CNGB3: variants seen among roughly 807,000 people sequenced by gnomAD.
CNGB3 encodes cyclic nucleotide-gated channel beta-3.
A neutral mutation model predicts 92.8 loss-of-function variants in CNGB3; 86 were observed. The observed-to-expected ratio is 0.93, with a 90% CI of 0.78 to 1.11. CNGB3 has a LOEUF of 1.11. CNGB3 is among the 50% of genes least tolerant of loss of function. CNGB3 has a pLI of 0.00. For missense variants in CNGB3, 1,026 were observed against 956.8 expected (o/e 1.07, Z -0.95); for synonymous variants, 333 against 332.7 (o/e 1.00, Z -0.01).
At chr8:86,658,332 A>T in intron 6 of CNGB3, 1 of 475,884 alleles carries the variant, frequency 2.1e-6, no homozygotes, top group Non-Finnish European at 3.9e-6. Flanking sequence ...CATGAGCGGA[A>T]GCGCCTCCTC....
intron 3 of CNGB3, among the ~76,000 whole-genome samples, chr8:86,694,481 G>A (rs1454432401): frequency 6.6e-6 from 1 of 151,668 alleles, no homozygotes; most frequent in Non-Finnish European, 1.5e-5. Context: ...CTGCCGGACG[G>A]AGGGTCTCCT....
intron 13 of CNGB3, among the ~76,000 whole-genome samples, chr8:86,623,009 C>T (rs771442369): frequency 6.6e-6 from 1 of 152,136 alleles, no homozygotes; most frequent in Admixed American, 6.5e-5. Context: ...CTGGGAGTGA[C>T]TATGCCTAAC....
intron 3 of CNGB3, among the ~76,000 whole-genome samples, chr8:86,715,625 C>G (rs1824837756): frequency 6.6e-6 from 1 of 151,860 alleles, no homozygotes; most frequent in African/African-American, 2.4e-5. Flanking sequence ...ACCAGCTCAC[C>G]AGCAATGGAT....
At chr8:86,606,809 C>T (rs576250748) in intron 14 of CNGB3, among the ~76,000 whole-genome samples, 2 of 152,210 alleles carry the variant, frequency 1.3e-5, no homozygotes, top group East Asian at 1.9e-4. Context: ...TTATAAGGCT[C>T]GCAGGTGACA....
intron 15 of CNGB3, among the ~76,000 whole-genome samples, chr8:86,603,595 C>T (rs927506406): frequency 6.6e-6 from 1 of 152,086 alleles, no homozygotes; most frequent in African/African-American, 2.4e-5. Flanking sequence ...AAGATATGTT[C>T]TATTATTATC....
intron 4 of CNGB3, among the ~76,000 whole-genome samples, 190 bp from the exon 5 acceptor site, chr8:86,668,358 G>C (rs1347893918): frequency 5.9e-5 from 9 of 151,720 alleles, no homozygotes; most frequent in Non-Finnish European, 1.2e-4. Context: ...CAAGGGGAGG[G>C]ATAACATTAG....
At chr8:86,652,380 C>T (rs1051667538) in intron 7 of CNGB3, among the ~76,000 whole-genome samples, 8 of 152,054 alleles carry the variant, frequency 5.3e-5, no homozygotes, top group African/African-American at 1.9e-4. Context: ...TTAGGCTACA[C>T]TAAATTTATT....
At chr8:86,657,480 T>C in intron 6 of CNGB3, 2 of 515,342 alleles carry the variant, frequency 3.9e-6, no homozygotes, top group South Asian at 1.5e-5. Context: ...GGGTTCTGCA[T>C]CTCAGGAAGC....
At chr8:86,682,900 A>G (rs1824110706) in intron 3 of CNGB3, among the ~76,000 whole-genome samples, 1 of 152,158 alleles carries the variant, frequency 6.6e-6, no homozygotes, top group Non-Finnish European at 1.5e-5. Flanking sequence ...ACAGAGTTCT[A>G]AACTCTGGTG....
At position 86,576,228 on chromosome 8, in the gene CNGB3, A is replaced by G. The variant is rs115178876; in HGVS notation, c.2104-98T>C. On this transcript the variant is annotated intron_variant, in intron 17 of 17. Coordinates refer to ENST00000320005, the MANE Select transcript of CNGB3 (RefSeq NM_019098.5). ...TGCAATGGCTAAGATCACCACCAAG[A>G]CAGACTGTCTGAATTAAGTGAATCC... 6.1e-4 allele frequency: 759 copies of G among 1,245,238 alleles called. 1 individual carries two copies. The African/African-American group carries it at 9.4e-3, about 15-fold the overall frequency. The allele number at this position is 1,245,238 out of a possible 1,614,324, so 77.1% of individuals were successfully genotyped here.
chr8:86,727,394 T>C (rs1825079547), intron 2 of CNGB3, among the ~76,000 whole-genome samples: 1 of 152,182 alleles, frequency 6.6e-6, no homozygotes, highest in African/African-American at 2.4e-5. Context: ...ATTGACATTA[T>C]TTAGCACTTG....
At chr8:86,691,703 T>C (rs1824320159) in intron 3 of CNGB3, among the ~76,000 whole-genome samples, 1 of 152,168 alleles carries the variant, frequency 6.6e-6, no homozygotes, top group Non-Finnish European at 1.5e-5. Flanking sequence ...TTCTCTTTTG[T>C]ATTTTTTGTT....
chr8:86,626,156 A>T (rs927016752), intron 12 of CNGB3, 76 bp from the exon 13 acceptor site: 3 of 1,143,138 alleles, frequency 2.6e-6, no homozygotes, highest in Non-Finnish European at 3.9e-6. Context: ...AAGTAGAAAA[A>T]TTTTTAAAAT....
intron 15 of CNGB3, among the ~76,000 whole-genome samples, chr8:86,587,492 T>A (rs1472888119): frequency 6.6e-6 from 1 of 152,224 alleles, no homozygotes; most frequent in Non-Finnish European, 1.5e-5. Flanking sequence ...AAGTCTTTAA[T>A]CCATATTGAA....
At chr8:86,728,449 TC>T (rs1825101524) in intron 2 of CNGB3, among the ~76,000 whole-genome samples, 1 of 152,188 alleles carries the variant, frequency 6.6e-6, no homozygotes, top group African/African-American at 2.4e-5. Context: ...TTGGGTCAAG[TC>T]ATATTTTTCC....
chr8:86,603,463 G>C (rs1034763200), intron 15 of CNGB3, among the ~76,000 whole-genome samples: 2 of 152,084 alleles, frequency 1.3e-5, no homozygotes, highest in Non-Finnish European at 2.9e-5. Context: ...CTTGTTCTAG[G>C]ATAAACTTTT....
At chr8:86,654,746 T>C (rs187012156) in intron 6 of CNGB3, among the ~76,000 whole-genome samples, 73 of 152,304 alleles carry the variant, frequency 4.8e-4, no homozygotes, top group African/African-American at 1.5e-3. Flanking sequence ...CTTAGTTTAC[T>C]TATATCTTCA....
At chr8:86,720,990 A>G (rs1035107731) in intron 3 of CNGB3, among the ~76,000 whole-genome samples, 2 of 151,868 alleles carry the variant, frequency 1.3e-5, no homozygotes, top group African/African-American at 4.8e-5. Flanking sequence ...TTTTTGAGAC[A>G]GAGTCTTGCT....
intron 15 of CNGB3, among the ~76,000 whole-genome samples, chr8:86,602,126 A>C (rs1822316553): frequency 6.6e-6 from 1 of 152,184 alleles, no homozygotes; most frequent in Non-Finnish European, 1.5e-5. Context: ...ATGTTTTATG[A>C]CCTTGAAGAT....
Sources: allele counts gnomAD v4.1 joint callset (sites outside exome capture counted in the v4.1 genomes callset), GRCh38; gene constraint gnomAD v4.1.1; transcripts MANE v1.5; gene names NCBI Gene and HGNC (gene_info 2026-07-23, HGNC 2026-07-21).